NOTCH2NLC: variants seen among roughly 807,000 people sequenced by gnomAD.
NOTCH2NLC encodes notch 2 N-terminal like C.
Under a neutral mutation model 17.7 loss-of-function variants are expected in NOTCH2NLC, and 4 were observed. The observed-to-expected ratio is 0.23, with a 90% CI of 0.11 to 0.52. The LOEUF is 0.52. Among genes scored for constraint, NOTCH2NLC ranks in the 20% least tolerant of loss-of-function variants. NOTCH2NLC has a pLI of 0.96. For missense variants in NOTCH2NLC, 57 were observed against 207.2 expected, an observed-to-expected ratio of 0.28 and a Z score of 4.45; for synonymous variants, 18 against 86.0, an observed-to-expected ratio of 0.21 and a Z score of 4.38.
Position 149,432,232 on chromosome 1 carries a change from A to G in NOTCH2NLC, c.209+1217A>G, listed in dbSNP as rs1373742546. On this transcript the variant is annotated intron_variant, in intron 2 of 4. Coordinates refer to ENST00000650865, the MANE Select transcript of NOTCH2NLC (RefSeq NM_001364013.2). ...TTTATTTCTTACCAGGAATGTAATTACAACTTTTTTCCAGTGAGATCTGTT... is the reference window on the plus strand; with the variant it reads ...TTTATTTCTTACCAGGAATGTAATTGCAACTTTTTTCCAGTGAGATCTGTT... Among the ~76,000 whole-genome samples, 20 of 148,146 alleles carry G rather than the reference A, an allele frequency of 1.4e-4. 1 individual carries two copies. The highest frequency in any genetic ancestry group is 8.1e-4 in the Admixed American group (12 of 14,814).
intron 1 of NOTCH2NLC, among the ~76,000 whole-genome samples, chr1:149,412,898 C>CTTTTT (rs1228082474): frequency 5.2e-5 from 5 of 95,610 alleles, no homozygotes; most frequent in Non-Finnish European, 1.0e-4. Context: ...AGATGACTGA[C>CTTTTT]TTTTTTTTTT....
chr1:149,418,959 T>C (rs1471584807), intron 1 of NOTCH2NLC, among the ~76,000 whole-genome samples: 2 of 151,096 alleles, frequency 1.3e-5, no homozygotes, highest in Non-Finnish European at 3.0e-5. Context: ...TTTTCTTTCC[T>C]TTTCTTTCCT....
intron 1 of NOTCH2NLC, among the ~76,000 whole-genome samples, chr1:149,416,005 G>A (rs2084332899): frequency 6.7e-6 from 1 of 150,146 alleles, no homozygotes; most frequent in African/African-American, 2.4e-5. Context: ...TGATAAAAAT[G>A]CCATAAGGAA....
chr1:149,425,006 C>T (rs1413654762), intron 1 of NOTCH2NLC, among the ~76,000 whole-genome samples: 15 of 151,304 alleles, frequency 9.9e-5, no homozygotes, highest in African/African-American at 2.2e-4. Context: ...TACGTTTCAA[C>T]GTGAGATTTG....
intron 1 of NOTCH2NLC, among the ~76,000 whole-genome samples, chr1:149,419,855 A>ATTTTTTTTT (rs1166865199): frequency 1.3e-5 from 1 of 78,204 alleles, no homozygotes; most frequent in African/African-American, 5.8e-5. Flanking sequence ...ATATATATAT[A>ATTTTTTTTT]TTTTTTTTTT....
intron 1 of NOTCH2NLC, among the ~76,000 whole-genome samples, chr1:149,401,280 GCTTT>G (rs1315421767): frequency 3.9e-5 from 5 of 129,648 alleles, no homozygotes; most frequent in Admixed American, 1.5e-4. Flanking sequence ...CCATATGAAT[GCTTT>G]CTTAAGTATC....
rs1256645077 is a variant in NOTCH2NLC, at chr1:149,398,184, G to A, written c.135+7262G>A. ...ACCCTTGCTGGGCTTGTCTGCTGTC[G>A]TGAGCTGTCTGCCATTTTCCTCTTT... On this transcript the variant is annotated intron_variant, in intron 1 of 4. Transcript: ENST00000650865. 2.6e-5 allele frequency among the ~76,000 whole-genome samples: 4 copies of A among 151,152 alleles called. 1 individual carries two copies. Among genetic ancestry groups the A allele is most frequent in the African/African-American group, 7.3e-5 (3 of 41,046 alleles).
At chr1:149,445,832 T>C (rs1168007307) in intron 2 of NOTCH2NLC, among the ~76,000 whole-genome samples, 3 of 148,964 alleles carry the variant, frequency 2.0e-5, no homozygotes, top group Non-Finnish European at 4.5e-5. Context: ...GCCTCTCTTT[T>C]TCTTCTTGTA....
At chr1:149,435,278 CCTTTA>C (rs1365585002) in intron 2 of NOTCH2NLC, among the ~76,000 whole-genome samples, 1 of 108,694 alleles carries the variant, frequency 9.2e-6, no homozygotes, top group Non-Finnish European at 1.9e-5. Flanking sequence ...GTATGACTTC[CCTTTA>C]CTTTACACAT....
At chr1:149,460,871 CTTTCTTT>C (rs2084642755) in intron 3 of NOTCH2NLC, among the ~76,000 whole-genome samples, 3 of 52,846 alleles carry the variant, frequency 5.7e-5, no homozygotes, top group African/African-American at 1.3e-4. Flanking sequence ...TTCTTTCTTT[CTTTCTTT>C]CTTTCTTTCT....
chr1:149,449,303 A>AATGCT (rs2084576163), intron 2 of NOTCH2NLC, among the ~76,000 whole-genome samples: 1 of 150,338 alleles, frequency 6.7e-6, no homozygotes, highest in East Asian at 2.0e-4. Flanking sequence ...CAAATATACA[A>AATGCT]TACATAGTTA....
intron 2 of NOTCH2NLC, among the ~76,000 whole-genome samples, chr1:149,444,983 G>C (rs2084541021): frequency 6.7e-6 from 1 of 149,156 alleles, no homozygotes; most frequent in African/African-American, 2.5e-5. Context: ...GTTGAGAGTA[G>C]AGTGGGAATG....
chr1:149,420,082 G>T (rs1417235606), intron 1 of NOTCH2NLC, among the ~76,000 whole-genome samples: 1 of 149,468 alleles, frequency 6.7e-6, no homozygotes, highest in African/African-American at 2.5e-5. Flanking sequence ...GTGTTAGCCA[G>T]GATGGTGTCG....
intron 2 of NOTCH2NLC, among the ~76,000 whole-genome samples, chr1:149,446,583 A>C (rs1278235142): frequency 6.7e-6 from 1 of 149,416 alleles, no homozygotes; most frequent in Non-Finnish European, 1.5e-5. Context: ...CAATCTGCTC[A>C]CCTTGGCCTC....
intron 2 of NOTCH2NLC, among the ~76,000 whole-genome samples, chr1:149,433,384 C>T (rs1245970146): frequency 2.0e-5 from 3 of 148,540 alleles, no homozygotes; most frequent in Non-Finnish European, 4.5e-5. Flanking sequence ...CACCATGGCA[C>T]ATGTATACCT....
intron 1 of NOTCH2NLC, among the ~76,000 whole-genome samples, chr1:149,412,150 A>G (rs1450879092): frequency 6.7e-6 from 1 of 148,572 alleles, no homozygotes; most frequent in Admixed American, 6.7e-5. Flanking sequence ...AACAAAAAAA[A>G]GTGGTATTGG....
Position 149,460,913 on chromosome 1 carries a change from T to C in NOTCH2NLC, c.470-2578T>C, listed in dbSNP as rs1222429881. ...TTTCTTTCTTTCTTTCTTTCTTTCTTTCTCTCTCTTTCTCTCTTTCTCTCT... is the reference window on the plus strand; with the variant it reads ...TTTCTTTCTTTCTTTCTTTCTTTCTCTCTCTCTCTTTCTCTCTTTCTCTCT... On this transcript the variant is annotated intron_variant, in intron 3 of 4. Coordinates refer to ENST00000650865, the MANE Select transcript of NOTCH2NLC (RefSeq NM_001364013.2). Among the ~76,000 whole-genome samples the C allele has an allele frequency of 6.8e-3, 771 of 114,204 alleles. 11 individuals are homozygous for C. The highest frequency in any genetic ancestry group is 0.054 in the East Asian group (186 of 3,420). The allele number at this position is 114,204 out of a possible 152,430, so 74.9% of individuals were successfully genotyped here. A position where few individuals can be genotyped will look rare whatever the true frequency, so the allele number is the denominator to read the frequency against.
intron 3 of NOTCH2NLC, among the ~76,000 whole-genome samples, chr1:149,461,533 C>T (rs2084649977): frequency 6.6e-6 from 1 of 150,842 alleles, no homozygotes; most frequent in Non-Finnish European, 1.5e-5. Flanking sequence ...TCTTGTGTCT[C>T]CCATTTACCT....
intron 3 of NOTCH2NLC, among the ~76,000 whole-genome samples, chr1:149,457,625 G>T (rs1281662277): frequency 6.6e-6 from 1 of 150,656 alleles, no homozygotes; most frequent in African/African-American, 2.4e-5. Context: ...AGGCTGAGGA[G>T]CAAGGAGAGC....
Sources: allele counts gnomAD v4.1 joint callset (sites outside exome capture counted in the v4.1 genomes callset), GRCh38; gene constraint gnomAD v4.1.1; transcripts MANE v1.5; gene names NCBI Gene and HGNC (gene_info 2026-07-23, HGNC 2026-07-21).